The following ZNF248 variants were observed in gnomAD, a reference collection of about 807,000 sequenced individuals.
ZNF248 encodes the protein KRAB protein domain.
ZNF248 carries 20 observed loss-of-function variants against 44.3 expected under a neutral mutation model. That is an observed-to-expected ratio of 0.45 (90% CI 0.32 to 0.66). The LOEUF (loss-of-function observed/expected upper bound fraction) is 0.66, where lower values mean the gene tolerates loss of function less well. ZNF248 is among the 30% of genes least tolerant of loss of function. The pLI is 0.04. For synonymous variants in ZNF248, 224 were observed against 229.0 expected, an observed-to-expected ratio of 0.98 and a Z score of 0.20; for missense variants, 654 against 677.0, an observed-to-expected ratio of 0.97 and a Z score of 0.38.
the ZNF248 span, among the ~76,000 whole-genome samples, chr10:37,768,357 C>A: frequency 6.6e-6 from 1 of 152,274 alleles, no homozygotes; most frequent in Non-Finnish European, 1.5e-5. Context: ...CCAAAATTGA[C>A]CACATACTTG....
At chr10:37,826,552 G>C (rs2054422278), downstream of ZNF248, among the ~76,000 whole-genome samples, 1 of 152,084 alleles carries the variant, frequency 6.6e-6, no homozygotes. Context: ...TGAAAACTTA[G>C]GTAACTTTTC....
chr10:37,779,077 C>T (rs1264045815), intron 6 of ZNF248, among the ~76,000 whole-genome samples: 3 of 152,074 alleles, frequency 2.0e-5, no homozygotes, highest in Non-Finnish European at 4.4e-5. Flanking sequence ...CCAAATTCTA[C>T]CAGAGGTACA....
the ZNF248 span, among the ~76,000 whole-genome samples, chr10:37,765,519 T>C: frequency 6.6e-6 from 1 of 152,214 alleles, no homozygotes; most frequent in East Asian, 1.9e-4. Context: ...AACACCAGTC[T>C]CCCAACAACA....
chr10:37,856,184 CT>C, intron 3 of ZNF248, 111 bp downstream of exon 3: 2 of 1,246,610 alleles, frequency 1.6e-6, no homozygotes, highest in Non-Finnish European at 2.2e-6. Flanking sequence ...TTTTATTTCC[CT>C]TAATGTCAAT....
chr10:37,807,504 G>A (rs1253076823), intron 6 of ZNF248, among the ~76,000 whole-genome samples: 3 of 152,106 alleles, frequency 2.0e-5, no homozygotes, highest in Non-Finnish European at 4.4e-5. Context: ...CCTGTAGATT[G>A]CTTTGGGTAG....
chr10:37,833,172 T>C, intron 5 of ZNF248, 56 bp from the exon 6 acceptor site: 3 of 1,515,120 alleles, frequency 2.0e-6, no homozygotes, highest in Non-Finnish European at 2.6e-6. Flanking sequence ...TCTGATGGAA[T>C]CAGACTTTTA....
downstream of ZNF248, among the ~76,000 whole-genome samples, chr10:37,773,195 G>A (rs1311595033): frequency 6.6e-6 from 1 of 151,974 alleles, no homozygotes; most frequent in African/African-American, 2.4e-5. Flanking sequence ...CAGTAAGCTG[G>A]GATCACACCA....
intron 6 of ZNF248, among the ~76,000 whole-genome samples, chr10:37,805,682 A>T (rs1312671868): frequency 6.6e-6 from 1 of 152,208 alleles, no homozygotes; most frequent in African/African-American, 2.4e-5. Flanking sequence ...ATAAGGGATC[A>T]CTGGGTCAAT....
chr10:37,765,554 T>C, the ZNF248 span, among the ~76,000 whole-genome samples: 3 of 152,336 alleles, frequency 2.0e-5, no homozygotes, highest in Middle Eastern at 3.4e-3. Context: ...TTTAGCATGG[T>C]ATATTATCTG....
chr10:37,786,914 G>C (rs2047934401), intron 6 of ZNF248, among the ~76,000 whole-genome samples: 1 of 151,966 alleles, frequency 6.6e-6, no homozygotes, highest in Admixed American at 6.6e-5. Flanking sequence ...TCATGTTTTA[G>C]GTGTCATGTC....
chr10:37,831,420 C>T lies in ZNF248; in HGVS notation c.*195G>A, dbSNP rs2055589323. 2 of 1,507,120 alleles carry T rather than the reference C, an allele frequency of 1.3e-6. No homozygotes were observed. The highest frequency in any genetic ancestry group is 2.6e-5 in the South Asian group (2 of 75,968). 93.4% of individuals were successfully genotyped at this position (1,507,120 alleles called of 1,614,324 possible). ...AACATAAATTCCAGATAAATATTTT[C>T]ACCATATTACTTAGATGAATAGAAT... On this transcript the variant is annotated 3_prime_UTR_variant, in exon 6 of 6. Transcript: ENST00000395867.
intron 6 of ZNF248, among the ~76,000 whole-genome samples, chr10:37,804,468 CT>C (rs2050267244): frequency 6.6e-6 from 1 of 152,128 alleles, no homozygotes; most frequent in Non-Finnish European, 1.5e-5. Context: ...AGGTCTCACT[CT>C]GTCACCCAGA....
At chr10:37,776,884 C>T (rs369186822) in intron 6 of ZNF248, among the ~76,000 whole-genome samples, 5 of 152,164 alleles carry the variant, frequency 3.3e-5, no homozygotes, top group South Asian at 2.1e-4. Context: ...ACCCTCAGAC[C>T]GTCAGTTTTC....
the ZNF248 span, among the ~76,000 whole-genome samples, chr10:37,759,948 C>T: frequency 3.7e-4 from 57 of 152,260 alleles, no homozygotes; most frequent in South Asian, 6.2e-4. Flanking sequence ...AAAATCAGGG[C>T]TCAGGGAGCT....
In ZNF248 at chr10:37,829,377, G is replaced by A; in HGVS notation, c.*2238C>T. 1 of 985,342 alleles carries A rather than the reference G, an allele frequency of 1.0e-6. No homozygotes were observed. The highest frequency in any genetic ancestry group is 1.2e-6 in the Non-Finnish European group (1 of 829,922). The allele number at this position is 985,342 out of a possible 1,614,324, so 61.0% of individuals were successfully genotyped here. A position where few individuals can be genotyped will look rare whatever the true frequency, so the allele number is the denominator to read the frequency against. The stretch of plus-strand genomic sequence containing the variant: ...TCTGCCATTAAAATATTTTTAGTTG[G>A]AGAATTCTGTTTTCCACCAGAAAGA... On this transcript the variant is annotated 3_prime_UTR_variant, in exon 6 of 6. Transcript: ENST00000395867.
chr10:37,853,598 G>A (rs370960767), intron 3 of ZNF248, among the ~76,000 whole-genome samples: 4 of 151,374 alleles, frequency 2.6e-5, no homozygotes, highest in East Asian at 4.0e-4. Flanking sequence ...CAGGCTGGTC[G>A]CGAACTCCCG....
chr10:37,813,327 T>C (rs1282719483), intron 6 of ZNF248, among the ~76,000 whole-genome samples: 2 of 152,140 alleles, frequency 1.3e-5, no homozygotes, highest in East Asian at 1.9e-4. Flanking sequence ...AAACAAACAA[T>C]AGGACTGTTA....
downstream of ZNF248, among the ~76,000 whole-genome samples, chr10:37,824,879 G>A (rs1218594557): frequency 3.4e-5 from 5 of 145,112 alleles, no homozygotes; most frequent in African/African-American, 5.1e-5. Context: ...TAGTAGAGAC[G>A]GGGTTTCACC....
intron 6 of ZNF248, among the ~76,000 whole-genome samples, chr10:37,814,270 A>G (rs1455352852): frequency 6.6e-6 from 1 of 151,840 alleles, no homozygotes; most frequent in Non-Finnish European, 1.5e-5. Flanking sequence ...CATACAAAAA[A>G]CTCCGCTCCT....
Sources: gnomAD v4.1 joint callset for allele counts (sites outside exome capture counted in the v4.1 genomes callset) on GRCh38, gnomAD v4.1.1 for gene constraint, MANE v1.5 for transcripts, NCBI Gene and HGNC (gene_info 2026-07-23, HGNC 2026-07-21) for gene names.